LRP1B: variants seen among roughly 807,000 people sequenced by gnomAD.
The protein encoded by LRP1B is LDL receptor related protein 1B, also known as low-density lipoprotein receptor-related protein 1B.
Under a neutral mutation model 556.6 loss-of-function variants are expected in LRP1B, and 217 were observed. The ratio of observed to expected loss-of-function variants is 0.39; its 90% CI spans 0.35 to 0.44. The LOEUF (loss-of-function observed/expected upper bound fraction) is 0.44, where lower values mean the gene tolerates loss of function less well. Among genes scored for constraint, LRP1B ranks in the 20% least tolerant of loss-of-function variants. The pLI is 1.00. For missense variants in LRP1B, 5,053 were observed against 5,620.8 expected (o/e 0.90, Z 3.23); for synonymous variants, 2,047 against 1,865.8 (o/e 1.10, Z -2.50).
intron 66 of LRP1B, among the ~76,000 whole-genome samples, 174 bp downstream of exon 66, chr2:140,442,330 G>A (rs2105300743): frequency 6.6e-6 from 1 of 152,266 alleles, no homozygotes; most frequent in South Asian, 2.1e-4. Context: ...TATCACTCCA[G>A]GCTTCTTGTA....
chr2:141,375,100 C>T (rs566808951), intron 3 of LRP1B, among the ~76,000 whole-genome samples: 1 of 151,924 alleles, frequency 6.6e-6, no homozygotes, highest in Non-Finnish European at 1.5e-5. Context: ...ATTTTGGGTG[C>T]CTGTGGTAGC....
intron 1 of LRP1B, among the ~76,000 whole-genome samples, chr2:142,008,599 C>A (rs1254414871): frequency 6.6e-6 from 1 of 151,516 alleles, no homozygotes; most frequent in Non-Finnish European, 1.5e-5. Flanking sequence ...TAACCACAAA[C>A]TCCAATTATG....
intron 66 of LRP1B, among the ~76,000 whole-genome samples, chr2:140,416,501 C>T (rs2105257752): frequency 6.6e-6 from 1 of 151,976 alleles, no homozygotes; most frequent in Admixed American, 6.6e-5. Context: ...CAAAAAAATA[C>T]AAAAATTAGC....
At chr2:140,725,876 A>C (rs1687576918) in intron 35 of LRP1B, among the ~76,000 whole-genome samples, 1 of 151,510 alleles carries the variant, frequency 6.6e-6, no homozygotes, top group South Asian at 2.1e-4. Context: ...CCAAAGAAAA[A>C]CTCTTTCTAG....
At chr2:141,693,360 C>A (rs75028263) in intron 2 of LRP1B, among the ~76,000 whole-genome samples, 1 of 151,796 alleles carries the variant, frequency 6.6e-6, no homozygotes, top group Non-Finnish European at 1.5e-5. Context: ...TGGGCATCTC[C>A]GGGAGTAAGA....
At chr2:140,759,504 T>A (rs902515156) in intron 35 of LRP1B, among the ~76,000 whole-genome samples, 6 of 152,254 alleles carry the variant, frequency 3.9e-5, no homozygotes, top group Non-Finnish European at 8.8e-5. Flanking sequence ...ATTTGTTTTA[T>A]TTTCTTTAAC....
intron 59 of LRP1B, among the ~76,000 whole-genome samples, chr2:140,476,932 TC>T (rs1687999494): frequency 1.3e-5 from 2 of 152,062 alleles, no homozygotes; most frequent in African/African-American, 4.8e-5. Flanking sequence ...TCTCAAATTA[TC>T]AAGCAATAAT....
intron 15 of LRP1B, among the ~76,000 whole-genome samples, chr2:140,998,663 T>A (rs1041735298): frequency 2.0e-5 from 3 of 152,096 alleles, no homozygotes; most frequent in African/African-American, 7.2e-5. Flanking sequence ...AATTCATCCT[T>A]AATCAATCAT....
At chr2:140,330,384 A>G (rs1438117287) in intron 79 of LRP1B, among the ~76,000 whole-genome samples, 1 of 151,924 alleles carries the variant, frequency 6.6e-6, no homozygotes, top group Non-Finnish European at 1.5e-5. Flanking sequence ...CACATAGACC[A>G]ATGGAACAGA....
At chr2:141,897,818 A>G (rs951733349) in intron 1 of LRP1B, among the ~76,000 whole-genome samples, 2 of 152,196 alleles carry the variant, frequency 1.3e-5, no homozygotes, top group Non-Finnish European at 2.9e-5. Context: ...CATAAATTTC[A>G]CAACTTCTCC....
intron 18 of LRP1B, among the ~76,000 whole-genome samples, chr2:140,960,979 A>T (rs888073525): frequency 6.6e-6 from 1 of 151,960 alleles, no homozygotes; most frequent in Non-Finnish European, 1.5e-5. Context: ...AACAAAGGAG[A>T]GGGTAGTACT....
intron 66 of LRP1B, among the ~76,000 whole-genome samples, chr2:140,401,144 G>A (rs1011568270): frequency 6.6e-6 from 1 of 152,132 alleles, no homozygotes; most frequent in Non-Finnish European, 1.5e-5. Flanking sequence ...AACTTGGTGG[G>A]GCTAGTGGGA....
At chr2:141,576,895 C>T (rs917200335) in intron 2 of LRP1B, among the ~76,000 whole-genome samples, 1 of 150,840 alleles carries the variant, frequency 6.6e-6, no homozygotes. Flanking sequence ...TGACCTCAAG[C>T]AATCCTCCTG....
chr2:141,295,950 C>T (rs886521023), intron 3 of LRP1B, among the ~76,000 whole-genome samples: 5 of 152,052 alleles, frequency 3.3e-5, no homozygotes, highest in African/African-American at 9.7e-5. Context: ...GGTTAATTTC[C>T]GCTTAGGCAA....
chr2:140,364,317 A>G (rs1024706466), intron 72 of LRP1B, among the ~76,000 whole-genome samples: 11 of 151,494 alleles, frequency 7.3e-5, no homozygotes, highest in African/African-American at 2.2e-4. Flanking sequence ...TATCCCTCCA[A>G]AATTAACCTA....
chr2:140,518,143 A>G (rs1250898654), intron 49 of LRP1B, among the ~76,000 whole-genome samples: 1 of 152,180 alleles, frequency 6.6e-6, no homozygotes, highest in Non-Finnish European at 1.5e-5. Flanking sequence ...ATGGTCTATT[A>G]TGGCTATTTT....
At chr2:141,119,320 G>A (rs895262763) in intron 7 of LRP1B, among the ~76,000 whole-genome samples, 1 of 151,860 alleles carries the variant, frequency 6.6e-6, no homozygotes, top group Non-Finnish European at 1.5e-5. Flanking sequence ...CCACAACGTT[G>A]TACTGTATAA....
At chr2:140,578,181 C>A (rs13411843) in intron 43 of LRP1B, among the ~76,000 whole-genome samples, 50,922 of 151,888 alleles carry the variant, frequency 0.34, 9,303 homozygotes, top group South Asian at 0.41. Flanking sequence ...AGAAAAGCAC[C>A]ATTTGACAAA....
chr2:141,565,227 C>T (rs1686287876), intron 2 of LRP1B, among the ~76,000 whole-genome samples: 1 of 152,094 alleles, frequency 6.6e-6, no homozygotes, highest in African/African-American at 2.4e-5. Context: ...TGAATGAGAA[C>T]ATTTTTTATG....
Sources: allele counts gnomAD v4.1 joint callset (sites outside exome capture counted in the v4.1 genomes callset), GRCh38; gene constraint gnomAD v4.1.1; transcripts MANE v1.5; gene names NCBI Gene and HGNC (gene_info 2026-07-23, HGNC 2026-07-21).